Variants in CTTN observed in about 807,000 individuals in gnomAD.
CTTN encodes the protein cortactin.
In CTTN, 28 loss-of-function variants were observed where a neutral mutation model predicts 84.0. That is an observed-to-expected ratio of 0.33 (90% CI 0.25 to 0.46). The LOEUF is 0.46. CTTN is among the 20% of genes least tolerant of loss of function. The pLI, the probability that CTTN is intolerant of heterozygous loss-of-function variation, is 1.00. For synonymous variants in CTTN, 301 were observed against 288.8 expected, an observed-to-expected ratio of 1.04 and a Z score of -0.43; for missense variants, 641 against 723.8, an observed-to-expected ratio of 0.89 and a Z score of 1.31.
At chr11:70,403,070 A>C (rs2058004640) in intron 1 of CTTN, among the ~76,000 whole-genome samples, 1 of 152,160 alleles carries the variant, frequency 6.6e-6, no homozygotes, top group African/African-American at 2.4e-5. Flanking sequence ...ACATTGAACA[A>C]ACTTTTCCTG....
intron 12 of CTTN, among the ~76,000 whole-genome samples, 174 bp downstream of exon 12, chr11:70,423,169 G>A (rs1167220113): frequency 3.3e-5 from 5 of 152,118 alleles, no homozygotes; most frequent in East Asian, 3.9e-4. Context: ...CCTCATGGCC[G>A]TGCTGTGGGA....
chr11:70,422,965 G>A lies in CTTN; in HGVS notation c.927G>A (p.Lys309=), dbSNP rs2058256932. 1 of 1,613,992 alleles carries A rather than the reference G, an allele frequency of 6.2e-7. No homozygotes were observed. The highest frequency in any genetic ancestry group is 1.1e-5 in the South Asian group (1 of 91,080). The change falls in exon 12 of 18, where the codon AAG becomes AAA. Residue 309 remains lysine, a synonymous_variant. Coordinates refer to ENST00000301843, the MANE Select transcript of CTTN (RefSeq NM_005231.4). The stretch of plus-strand genomic sequence containing the variant: ...ACTACTCCAAAGGATTCGGCGGGAA[G>A]TATGGGGTGCAGAAGGATCGGATGG... ...QQDYSKGFGG[K]YGVQKDRMDK... is the part of the protein sequence containing the mutation.
Position 70,433,289 on chromosome 11 carries a change from C to G in CTTN, c.1444+11C>G, listed in dbSNP as rs777128494. 2 of 1,601,654 alleles carry G rather than the reference C, an allele frequency of 1.2e-6. No homozygotes were observed. Among genetic ancestry groups the G allele is most frequent in the Admixed American group, 1.7e-5 (1 of 58,234 alleles). On this transcript the variant is annotated intron_variant, in intron 16 of 17. Coordinates refer to ENST00000301843, the MANE Select transcript of CTTN (RefSeq NM_005231.4). ...GCCACTATCCCGCAGGTACTGGGGC[C>G]CCACGCTGCAGCGCCCTGCCCAGGG... is the stretch of plus-strand genomic sequence containing the variant.
intron 6 of CTTN, among the ~76,000 whole-genome samples, chr11:70,415,430 A>G (rs10431177): frequency 0.21 from 32,317 of 152,166 alleles, 3,740 homozygotes; most frequent in Admixed American, 0.27. Context: ...AGGGCAGGTC[A>G]CCAGGGATAT....
intron 4 of CTTN, 30 bp downstream of exon 4, chr11:70,407,621 G>A: frequency 6.2e-7 from 1 of 1,608,634 alleles, no homozygotes; most frequent in Non-Finnish European, 8.5e-7. Flanking sequence ...CCCTCCCGAG[G>A]GCCCCTCTGC....
chr11:70,417,998 T>G (rs2058183625), intron 8 of CTTN, among the ~76,000 whole-genome samples: 1 of 152,228 alleles, frequency 6.6e-6, no homozygotes, highest in Non-Finnish European at 1.5e-5. Flanking sequence ...CTCAGAGCGT[T>G]TCCCAGGGCT....
rs551309146 is a variant in CTTN, at chr11:70,434,842, C to A, written c.1517-184C>A. 4.4e-4 allele frequency among the ~76,000 whole-genome samples: 67 copies of A among 152,332 alleles called. 1 individual carries two copies. Among genetic ancestry groups the A allele is most frequent in the Admixed American group, 4.0e-3 (61 of 15,304 alleles). On this transcript the variant is annotated intron_variant, in intron 17 of 17. Coordinates refer to ENST00000301843, the MANE Select transcript of CTTN (RefSeq NM_005231.4). Reference sequence around the variant, plus strand: ...TGTGCCTCTTTGTACTCTCTCGGTTCATGTTCACAAATCCTGGCCTTGGTG... The same window carrying A: ...TGTGCCTCTTTGTACTCTCTCGGTTAATGTTCACAAATCCTGGCCTTGGTG...
chr11:70,422,484 TG>T, intron 11 of CTTN: 1 of 1,286,658 alleles, frequency 7.8e-7, no homozygotes, highest in Non-Finnish European at 1.0e-6. Context: ...AATTTCCACA[TG>T]GATTTTTTTT....
chr11:70,422,841 A>G, intron 11 of CTTN, 99 bp from the exon 12 acceptor site: 5 of 1,584,398 alleles, frequency 3.2e-6, no homozygotes, highest in Non-Finnish European at 3.4e-6. Flanking sequence ...GCTGTGGTGC[A>G]CCTTCTTGGG....
At chr11:70,418,254 GGCCTT>G (rs2058186305) in intron 8 of CTTN, among the ~76,000 whole-genome samples, 1 of 152,244 alleles carries the variant, frequency 6.6e-6, no homozygotes, top group Non-Finnish European at 1.5e-5. Context: ...GGCCTGGCCT[GGCCTT>G]GCCTTCCTGC....
Position 70,420,413 on chromosome 11 carries a change from G to T in CTTN, c.693G>T (p.Gly231=). ...KHESQKDYVK[G]FGGKFGVQTD... is the part of the protein sequence containing the mutation. The stretch of plus-strand genomic sequence containing the variant: ...TTGTGCATGTAGACTATGTGAAAGG[G>T]TTTGGAGGAAAATTTGGTGTGCAGA... Residue 231 remains glycine (G), a synonymous_variant, in exon 10 of 18, where the codon GGG becomes GGT. Transcript: ENST00000301843. The T allele has an allele frequency of 1.2e-6, 2 of 1,614,054 alleles. No individual in the cohort carries two copies. The highest frequency in any genetic ancestry group is 1.7e-6 in the Non-Finnish European group (2 of 1,179,872).
In CTTN at chr11:70,435,142, T is replaced by G; in HGVS notation, c.1633T>G (p.Tyr545Asp). 1 of 1,611,836 alleles carries G rather than the reference T, an allele frequency of 6.2e-7. No individual in the cohort carries two copies. The highest frequency in any genetic ancestry group is 8.5e-7 in the Non-Finnish European group (1 of 1,179,272). The change falls in exon 18 of 18, where the codon TAT becomes GAT. Residue 545 changes from tyrosine (Y) to aspartate (D), a missense_variant. Coordinates refer to ENST00000301843, the MANE Select transcript of CTTN (RefSeq NM_005231.4). ...KGRYGLFPAN[Y>D]VELRQ is the part of the protein sequence containing the mutation. ...CCGGTACGGGCTCTTCCCAGCCAAC[T>G]ATGTGGAGCTGCGGCAGTAGGGCCC...
At position 70,425,420 on chromosome 11, in the gene CTTN, C is replaced by T. The variant is rs1023633011; in HGVS notation, c.1027+19C>T. 2 of 1,598,596 alleles carry T rather than the reference C, an allele frequency of 1.3e-6. No homozygotes were observed. The highest frequency in any genetic ancestry group is 1.7e-6 in the Non-Finnish European group (2 of 1,169,308). ...GAAGCTGGTGAGTCCCGGCTGATAC[C>T]AGGAGCACCGTGTGGTTTCCCAGGA... On this transcript the variant is annotated intron_variant, in intron 13 of 17. Transcript: ENST00000301843.
chr11:70,413,331 A>T (rs891870747), intron 5 of CTTN, among the ~76,000 whole-genome samples: 8 of 152,146 alleles, frequency 5.3e-5, no homozygotes, highest in Non-Finnish European at 8.8e-5. Flanking sequence ...ATGTGCCCGC[A>T]CTGTCTGTGA....
chr11:70,407,624 C>T, intron 4 of CTTN, 33 bp downstream of exon 4: 1 of 1,604,478 alleles, frequency 6.2e-7, no homozygotes, highest in Non-Finnish European at 8.5e-7. Flanking sequence ...TCCCGAGGGC[C>T]CCTCTGCGGA....
intron 5 of CTTN, 64 bp from the exon 6 acceptor site, chr11:70,414,477 TG>T: frequency 8.3e-7 from 1 of 1,201,092 alleles, no homozygotes; most frequent in Non-Finnish European, 1.2e-6. Context: ...AGCCCTGCTC[TG>T]GGAGGAAGTG....
intron 12 of CTTN, 109 bp from the exon 13 acceptor site, chr11:70,425,223 T>A: frequency 1.2e-6 from 1 of 816,338 alleles, no homozygotes; most frequent in Non-Finnish European, 2.0e-6. Flanking sequence ...GCTGTGTGGC[T>A]GGGCCTTTGG....
chr11:70,430,605 C>G (rs2058344115), intron 14 of CTTN, among the ~76,000 whole-genome samples: 1 of 152,220 alleles, frequency 6.6e-6, no homozygotes, highest in African/African-American at 2.4e-5. Flanking sequence ...TACACAGTCC[C>G]TCCCCATGGG....
intron 6 of CTTN, among the ~76,000 whole-genome samples, chr11:70,414,987 C>T (rs914162406): frequency 6.6e-6 from 1 of 152,152 alleles, no homozygotes; most frequent in East Asian, 1.9e-4. Context: ...GACATCAGAG[C>T]CTATACCGGG....
Sources: gnomAD v4.1 joint callset for allele counts (sites outside exome capture counted in the v4.1 genomes callset) on GRCh38, gnomAD v4.1.1 for gene constraint, MANE v1.5 for transcripts, NCBI Gene and HGNC (gene_info 2026-07-23, HGNC 2026-07-21) for gene names.